The following THAP12 variants were observed in gnomAD, a reference collection of about 807,000 sequenced individuals.
THAP12 encodes the protein THAP domain containing 12.
Under a neutral mutation model 63.0 loss-of-function variants are expected in THAP12, and 20 were observed. That is an observed-to-expected ratio of 0.32 (90% CI 0.22 to 0.46). THAP12 has a LOEUF of 0.46. THAP12 is among the 20% of genes least tolerant of loss of function. The pLI, the probability that THAP12 is intolerant of heterozygous loss-of-function variation, is 1.00. For synonymous variants in THAP12, 264 were observed against 328.4 expected, an observed-to-expected ratio of 0.80 and a Z score of 2.12; for missense variants, 568 against 908.2, an observed-to-expected ratio of 0.63 and a Z score of 4.81.
chr11:76,365,387 T>C (rs1320100076), intron 2 of THAP12, among the ~76,000 whole-genome samples: 1 of 151,460 alleles, frequency 6.6e-6, no homozygotes, highest in African/African-American at 2.4e-5. Flanking sequence ...GTTTTAATCA[T>C]TTTGAGTTTT....
intron 1 of THAP12, among the ~76,000 whole-genome samples, chr11:76,378,359 A>G (rs1946725759): frequency 6.6e-6 from 1 of 152,222 alleles, no homozygotes; most frequent in South Asian, 2.1e-4. Context: ...TCGGTGGCAG[A>G]GGTTGCAGTG....
At chr11:76,378,715 G>A (rs1233264330) in intron 1 of THAP12, among the ~76,000 whole-genome samples, 3 of 152,024 alleles carry the variant, frequency 2.0e-5, no homozygotes, top group East Asian at 1.9e-4. Flanking sequence ...GGGTTCAAGC[G>A]ATTCTCACGT....
At chr11:76,375,088 C>G (rs1946699943) in intron 1 of THAP12, among the ~76,000 whole-genome samples, 1 of 152,222 alleles carries the variant, frequency 6.6e-6, no homozygotes, top group Non-Finnish European at 1.5e-5. Flanking sequence ...CCCAAACAGG[C>G]ACCCTCACGA....
At chr11:76,366,598 G>A (rs991010744) in intron 1 of THAP12, among the ~76,000 whole-genome samples, 2 of 151,838 alleles carry the variant, frequency 1.3e-5, no homozygotes, top group Non-Finnish European at 2.9e-5. Flanking sequence ...GGAGAATGGC[G>A]TGAACCCGGG....
Position 76,350,786 on chromosome 11 carries a change from T to A in THAP12, c.*78A>T. 9 of 1,404,278 alleles carry A rather than the reference T, an allele frequency of 6.4e-6. No homozygotes were observed. The highest frequency in any genetic ancestry group is 3.7e-6 in the Non-Finnish European group (4 of 1,070,938). The allele number at this position is 1,404,278 out of a possible 1,614,324, so 87.0% of individuals were successfully genotyped here. A position where few individuals can be genotyped will look rare whatever the true frequency, so the allele number is the denominator to read the frequency against. On this transcript the variant is annotated 3_prime_UTR_variant, in exon 5 of 5. Coordinates refer to ENST00000260045, the MANE Select transcript of THAP12 (RefSeq NM_004705.4). ...GAGTCCTATAGGCAAAGATATTTAG[T>A]GATTAAGTGGTCTACATACACCTTA...
intron 4 of THAP12, among the ~76,000 whole-genome samples, chr11:76,353,432 C>T (rs1209282350): frequency 6.6e-6 from 1 of 152,254 alleles, no homozygotes; most frequent in African/African-American, 2.4e-5. Context: ...CCAAGTGCGT[C>T]TGGCTCCAAG....
chr11:76,373,398 T>G (rs1946687592), intron 1 of THAP12, among the ~76,000 whole-genome samples: 1 of 151,202 alleles, frequency 6.6e-6, no homozygotes, highest in Non-Finnish European at 1.5e-5. Flanking sequence ...ACCCCATTGT[T>G]TGGAAGATTA....
rs1168720422 is a variant in THAP12 at position 76,361,047 on chromosome 11, A to G, written c.227T>C (p.Val76Ala). The part of the protein sequence containing the change: ...MICRTSPYRT[V>A]LRDNAIPTIF... Reference sequence around the variant, plus strand: ...TGTTGGTATTGCATTATCTCGAAGAACTGTCCTATAAGGACTCTGAAAAAG... The same window carrying G: ...TGTTGGTATTGCATTATCTCGAAGAGCTGTCCTATAAGGACTCTGAAAAAG... Residue 76 changes from valine to alanine, a missense_variant, in exon 3 of 5, where the codon GTT becomes GCT. Transcript: ENST00000260045. The G allele has an allele frequency of 2.5e-6, 4 of 1,609,096 alleles. No homozygotes were observed. The highest frequency in any genetic ancestry group is 3.4e-6 in the Non-Finnish European group (4 of 1,176,426).
intron 1 of THAP12, among the ~76,000 whole-genome samples, chr11:76,378,073 T>C (rs1590808695): frequency 6.6e-6 from 1 of 152,350 alleles, no homozygotes; most frequent in East Asian, 1.9e-4. Flanking sequence ...TTTGATGAAG[T>C]CCAATTAGTC....
At chr11:76,380,191 C>G (rs565304047) in intron 1 of THAP12, among the ~76,000 whole-genome samples, 2 of 152,306 alleles carry the variant, frequency 1.3e-5, no homozygotes, top group East Asian at 3.9e-4. Context: ...CTACAATACC[C>G]AAGCGAGAAA....
At chr11:76,354,760 C>T (rs1946548892) in intron 4 of THAP12, among the ~76,000 whole-genome samples, 1 of 152,180 alleles carries the variant, frequency 6.6e-6, no homozygotes, top group Non-Finnish European at 1.5e-5. Context: ...TTCCCTATTG[C>T]TAATAGCCCA....
rs1340921843 is a variant in THAP12, at chr11:76,350,140, G to C, written c.*724C>G. ...TATATAAGAGTCATGGAAAAAGACA[G>C]AGAAAAAAAACAGACAAATCAGTTG... is the stretch of plus-strand genomic sequence containing the variant. On this transcript the variant is annotated 3_prime_UTR_variant, in exon 5 of 5. Coordinates refer to ENST00000260045, the MANE Select transcript of THAP12 (RefSeq NM_004705.4). 2 of 152,554 alleles carry C rather than the reference G, an allele frequency of 1.3e-5. No individual in the cohort carries two copies. The highest frequency in any genetic ancestry group is 4.8e-5 in the African/African-American group (2 of 41,408). The allele number at this position is 152,554 out of a possible 1,614,324, so 9.5% of individuals were successfully genotyped here.
intron 4 of THAP12, among the ~76,000 whole-genome samples, chr11:76,353,420 A>G (rs1946540505): frequency 1.3e-5 from 2 of 152,244 alleles, no homozygotes; most frequent in African/African-American, 4.8e-5. Context: ...TAAAGTTGAA[A>G]TCCAAGTGCG....
chr11:76,366,386 A>G (rs1027952562), intron 1 of THAP12, among the ~76,000 whole-genome samples: 89 of 152,214 alleles, frequency 5.8e-4, no homozygotes, highest in African/African-American at 2.1e-3. Context: ...CTGTCACTGT[A>G]GAAAATCAGC....
At chr11:76,353,104 C>T (rs1191304544) in intron 4 of THAP12, among the ~76,000 whole-genome samples, 2 of 151,660 alleles carry the variant, frequency 1.3e-5, no homozygotes, top group African/African-American at 2.4e-5. Flanking sequence ...CCAGGCTGGT[C>T]TTGAACTCCT....
chr11:76,365,376 T>C (rs1287574303), intron 2 of THAP12, among the ~76,000 whole-genome samples: 1 of 152,098 alleles, frequency 6.6e-6, no homozygotes, highest in Non-Finnish European at 1.5e-5. Flanking sequence ...TGTTTTGTTT[T>C]GTTTTAATCA....
At chr11:76,377,574 C>T (rs1029134986) in intron 1 of THAP12, among the ~76,000 whole-genome samples, 12 of 152,358 alleles carry the variant, frequency 7.9e-5, no homozygotes, top group African/African-American at 2.9e-4. Flanking sequence ...GTAGTATGTA[C>T]TGGCACTTCA....
At chr11:76,361,195 G>C in intron 2 of THAP12, 132 bp from the exon 3 acceptor site, 1 of 603,860 alleles carries the variant, frequency 1.7e-6, no homozygotes, top group South Asian at 2.4e-5. Flanking sequence ...TACAGAATTT[G>C]ATGTCAGTTC....
intron 1 of THAP12, among the ~76,000 whole-genome samples, chr11:76,375,753 G>GGC (rs1231705387): frequency 9.1e-6 from 1 of 109,580 alleles, no homozygotes; most frequent in Admixed American, 1.2e-4. Flanking sequence ...AAGGTGGGGG[G>GGC]GGGGTGGGTT....
Sources: gnomAD v4.1 joint callset for allele counts (sites outside exome capture counted in the v4.1 genomes callset) on GRCh38, gnomAD v4.1.1 for gene constraint, MANE v1.5 for transcripts, NCBI Gene and HGNC (gene_info 2026-07-23, HGNC 2026-07-21) for gene names.